QRICH1: variants seen among roughly 807,000 people sequenced by gnomAD.
QRICH1 encodes transcriptional regulator QRICH1.
Under a neutral mutation model 87.1 loss-of-function variants are expected in QRICH1, and 16 were observed. That is an observed-to-expected ratio of 0.18 (90% CI 0.12 to 0.28). QRICH1 has a LOEUF of 0.28. Ranked by LOEUF, QRICH1 falls within the 10% of genes least tolerant of loss-of-function variation. The probability of loss-of-function intolerance (pLI) is 1.00; values close to 1 mark genes in which losing one functional copy is unlikely to be tolerated. For missense variants in QRICH1, 647 were observed against 951.7 expected (o/e 0.68, Z 4.21); for synonymous variants, 367 against 368.4 (o/e 1.00, Z 0.05).
chr3:49,036,169 T>C (rs894948636), intron 6 of QRICH1, among the ~76,000 whole-genome samples: 8 of 152,178 alleles, frequency 5.3e-5, no homozygotes, highest in African/African-American at 1.9e-4. Flanking sequence ...TAAGGGGCTA[T>C]AGATAAAAAA....
chr3:49,088,618 GTTTTTTTTT>G (rs1206382284), intron 1 of QRICH1, among the ~76,000 whole-genome samples: 1 of 93,180 alleles, frequency 1.1e-5, no homozygotes, highest in African/African-American at 3.9e-5. Flanking sequence ...GCTTTTGTCT[GTTTTTTTTT>G]TTTTTTTTTT....
Position 49,042,745 on chromosome 3 carries a change from G to T in QRICH1, c.1786+1645C>A, listed in dbSNP as rs191514965. ...CTGCCAACACACCTGGCTAATTTTT[G>T]TATTTTTAGTAGAGATGGGGTTTCA... On this transcript the variant is annotated intron_variant, in intron 6 of 9. Transcript: ENST00000395443. 7.0e-3 allele frequency among the ~76,000 whole-genome samples: 1,058 copies of T among 151,902 alleles called. 16 individuals are homozygous for T. The highest frequency in any genetic ancestry group is 0.024 in the African/African-American group (991 of 41,422).
chr3:49,080,361 G>A (rs755777047), intron 1 of QRICH1, among the ~76,000 whole-genome samples: 12 of 151,752 alleles, frequency 7.9e-5, no homozygotes, highest in South Asian at 6.2e-4. Context: ...AAAGTAAAGC[G>A]TTTTTACATG....
rs755787440 is a variant in QRICH1 at position 49,057,354 on chromosome 3, C to A, written c.846G>T (p.Leu282Phe). Reference protein sequence around the residue: ...PQGQQQSYVSLRPDLLTVDSA... With the variant: ...PQGQQQSYVSFRPDLLTVDSA... The stretch of plus-strand genomic sequence containing the variant: ...TGTCTACTGTCAGTAAGTCTGGCCT[C>A]AAAGACACATAACTCTGCTGCTGGC... The change falls in exon 3 of 10, where the codon TTG becomes TTT. Residue 282 changes from leucine (L) to phenylalanine (F), a missense_variant. Leu to Phe is a conservative substitution (Grantham distance 22). Transcript: ENST00000395443. This position sits in a 1 kb window ranked among gnomAD's most constrained non-coding sequence, Gnocchi z 5.4. The A allele has an allele frequency of 6.2e-7, 1 of 1,614,052 alleles. No homozygotes were observed.
chr3:49,055,544 G>A (rs994779256), intron 3 of QRICH1, among the ~76,000 whole-genome samples: 4 of 152,128 alleles, frequency 2.6e-5, no homozygotes, highest in Admixed American at 6.6e-5. Context: ...TTAAATTTTT[G>A]TAGAGATAGG....
intron 1 of QRICH1, among the ~76,000 whole-genome samples, chr3:49,091,092 G>A (rs1309876104): frequency 1.3e-5 from 2 of 151,966 alleles, no homozygotes; most frequent in Admixed American, 6.6e-5. Flanking sequence ...GCATGGTGGC[G>A]GGAGCCTGCA....
Position 49,030,595 on chromosome 3 carries a change from G to A in QRICH1, c.2188C>T (p.Pro730Ser). The A allele has an allele frequency of 6.2e-7, 1 of 1,610,206 alleles. No homozygotes were observed. The highest frequency in any genetic ancestry group is 8.5e-7 in the Non-Finnish European group (1 of 1,177,768). Residue 730 changes from proline to serine, a missense_variant, in exon 10 of 10, where the codon CCA (proline) becomes TCA (serine). Pro to Ser is a moderately conservative substitution (Grantham distance 74). Coordinates refer to ENST00000395443, the MANE Select transcript of QRICH1 (RefSeq NM_198880.3). ...ATTGGGCTGTTGGGGGCCACCACTG[G>A]CTCAGGTGTCAGGTAAAAGGTGTCA... ...RNDTFYLTPE[P>S]VVAPNSPIWY...
chr3:49,063,431 G>A (rs749708176), intron 2 of QRICH1, among the ~76,000 whole-genome samples: 1 of 152,184 alleles, frequency 6.6e-6, no homozygotes, highest in Non-Finnish European at 1.5e-5. Flanking sequence ...ATATGCCAAA[G>A]ACATAAGAGG....
At chr3:49,090,606 CG>C (rs2042255849) in intron 1 of QRICH1, among the ~76,000 whole-genome samples, 1 of 135,966 alleles carries the variant, frequency 7.4e-6, no homozygotes. Flanking sequence ...CCAGCCTGGG[CG>C]ACAAGAGTGA....
At chr3:49,081,895 T>C (rs1407309129) in intron 1 of QRICH1, among the ~76,000 whole-genome samples, 1 of 151,856 alleles carries the variant, frequency 6.6e-6, no homozygotes, top group African/African-American at 2.4e-5. Context: ...GCAACCTCTG[T>C]CTCCCGGGTC....
chr3:49,037,306 G>A (rs747333038), intron 6 of QRICH1, among the ~76,000 whole-genome samples: 1 of 152,258 alleles, frequency 6.6e-6, no homozygotes, highest in South Asian at 2.1e-4. Flanking sequence ...GTAGATACAT[G>A]GGGAAAAAAG....
At chr3:49,080,775 AGTTTTTGTTTT>A (rs1225244696) in intron 1 of QRICH1, among the ~76,000 whole-genome samples, 1 of 151,820 alleles carries the variant, frequency 6.6e-6, no homozygotes, top group African/African-American at 2.4e-5. Flanking sequence ...AATTCCACCT[AGTTTTTGTTTT>A]GTTTTTGGAG....
At chr3:49,034,731 A>G (rs1423685463) in intron 6 of QRICH1, among the ~76,000 whole-genome samples, 1 of 152,196 alleles carries the variant, frequency 6.6e-6, no homozygotes, top group Non-Finnish European at 1.5e-5. Flanking sequence ...TTTGAATAAG[A>G]GCCCTGGTCA....
intron 1 of QRICH1, among the ~76,000 whole-genome samples, chr3:49,081,811 A>ATT (rs71077763): frequency 3.0e-5 from 4 of 134,662 alleles, no homozygotes; most frequent in African/African-American, 2.8e-5. Context: ...GAAGCCTTCT[A>ATT]TTTTTTTTTT....
intron 6 of QRICH1, among the ~76,000 whole-genome samples, chr3:49,038,667 T>C (rs1036804473): frequency 2.0e-5 from 3 of 152,144 alleles, no homozygotes; most frequent in Admixed American, 6.6e-5. Flanking sequence ...TCGGCCCACC[T>C]CAGCCTCACA....
chr3:49,083,743 G>T (rs2107020199), intron 1 of QRICH1, among the ~76,000 whole-genome samples: 1 of 152,040 alleles, frequency 6.6e-6, no homozygotes, highest in East Asian at 1.9e-4. Flanking sequence ...ACTCCAGCTT[G>T]GGTGACAGAG....
intron 6 of QRICH1, among the ~76,000 whole-genome samples, chr3:49,037,874 G>A (rs1469516302): frequency 6.6e-6 from 1 of 152,034 alleles, no homozygotes; most frequent in East Asian, 1.9e-4. Context: ...AGCTACTCAG[G>A]AGGCTGAGGC....
At chr3:49,084,308 C>T (rs1348854449) in intron 1 of QRICH1, among the ~76,000 whole-genome samples, 2 of 151,382 alleles carry the variant, frequency 1.3e-5, no homozygotes, top group African/African-American at 2.4e-5. Context: ...CAGGCTGGAG[C>T]GTAGTGGCAC....
intron 9 of QRICH1, 82 bp from the exon 10 acceptor site, chr3:49,030,726 C>CT (rs748808031): frequency 1.1e-4 from 142 of 1,253,802 alleles, no homozygotes; most frequent in Non-Finnish European, 1.5e-4. Flanking sequence ...CAGATGCTGT[C>CT]TGCAAACAGT....
Sources: gnomAD v4.1 joint callset for allele counts (sites outside exome capture counted in the v4.1 genomes callset) on GRCh38, gnomAD v4.1.1 for gene constraint, Gnocchi (gnomAD v3.1) non-coding constraint, MANE v1.5 for transcripts, NCBI Gene and HGNC (gene_info 2026-07-23, HGNC 2026-07-21) for gene names.